The following GLRA3 variants were observed in gnomAD, a reference collection of about 807,000 sequenced individuals.
The protein encoded by GLRA3 is glycine receptor alpha 3.
GLRA3 carries 44 observed loss-of-function variants against 60.4 expected under a neutral mutation model. That is an observed-to-expected ratio of 0.73 (90% confidence interval 0.57 to 0.94). GLRA3 has a LOEUF of 0.94. GLRA3 is among the 40% of genes least tolerant of loss of function. The pLI, the probability that GLRA3 is intolerant of heterozygous loss-of-function variation, is 0.00. For missense variants in GLRA3, 508 were observed against 564.6 expected (o/e 0.90, Z 1.02); for synonymous variants, 223 against 192.9 (o/e 1.16, Z -1.29).
Position 174,762,750 on chromosome 4 carries a change from C to T in GLRA3, c.267+4213G>A, listed in dbSNP as rs115285436. ...AATCTTTTGAATTAAGATATAACAGCCATTCATAACATACACAAGTCTGCA... is the reference window on the plus strand; with the variant it reads ...AATCTTTTGAATTAAGATATAACAGTCATTCATAACATACACAAGTCTGCA... On this transcript the variant is annotated intron_variant, in intron 3 of 9. Coordinates refer to ENST00000274093, the MANE Select transcript of GLRA3 (RefSeq NM_006529.4). Among the ~76,000 whole-genome samples the T allele has an allele frequency of 9.9e-3, 1,499 of 152,068 alleles. 19 individuals carry two copies. Among genetic ancestry groups the T allele is most frequent in the African/African-American group, 0.033 (1,384 of 41,482 alleles).
At chr4:174,661,385 C>T (rs1733432232) in intron 7 of GLRA3, among the ~76,000 whole-genome samples, 1 of 152,196 alleles carries the variant, frequency 6.6e-6, no homozygotes, top group African/African-American at 2.4e-5. Flanking sequence ...TCAACATGTA[C>T]TTGATCATTC....
At position 174,686,118 on chromosome 4, in the gene GLRA3, C is replaced by T. The variant is rs77255932; in HGVS notation, c.575-3179G>A. On this transcript the variant is annotated intron_variant, in intron 5 of 9. Coordinates refer to ENST00000274093, the MANE Select transcript of GLRA3 (RefSeq NM_006529.4). ...CTACTTCACTATGGTTCAAAAAATA[C>T]TTAAGTTTGAAACCAGAAGGAAAAT... Among the ~76,000 whole-genome samples the T allele has an allele frequency of 4.6e-5, 7 of 152,246 alleles. No individual in the cohort carries two copies. In the East Asian group the frequency reaches 1.4e-3, roughly 29 times the overall value.
In GLRA3 at chr4:174,704,361, C is replaced by T. The variant is rs944603816; in HGVS notation, c.574+11127G>A. 4.2e-5 allele frequency among the ~76,000 whole-genome samples: 6 copies of T among 142,894 alleles called. 1 individual carries two copies. The highest frequency in any genetic ancestry group is 1.5e-4 in the African/African-American group (6 of 39,600). 93.7% of individuals were successfully genotyped at this position (142,894 alleles called of 152,430 possible). A position where few individuals can be genotyped will look rare whatever the true frequency, so the allele number is the denominator to read the frequency against. ...ATGGCAGGATCACAGAAATAAAATG[C>T]TTTAAATTACAGGTGATCTAGGGTG... is the stretch of plus-strand genomic sequence containing the variant. On this transcript the variant is annotated intron_variant, in intron 5 of 9. Coordinates refer to ENST00000274093, the MANE Select transcript of GLRA3 (RefSeq NM_006529.4).
At position 174,639,249 on chromosome 4, in the gene GLRA3, A is replaced by G. The variant is rs191241582; in HGVS notation, c.*4537T>C. 66 of 152,238 alleles carry G rather than the reference A, an allele frequency of 4.3e-4. No homozygotes were observed. Among genetic ancestry groups the G allele is most frequent in the African/African-American group, 1.6e-3 (66 of 41,544 alleles). 9.4% of individuals were successfully genotyped at this position (152,238 alleles called of 1,614,324 possible). On this transcript the variant is annotated 3_prime_UTR_variant, in exon 10 of 10. Coordinates refer to ENST00000274093, the MANE Select transcript of GLRA3 (RefSeq NM_006529.4). ...CAAATCGAATGACTGCATGGTTCAT[A>G]TTTTCCACCAGGAATCACTTAATAT...
chr4:174,795,555 C>G (rs1002822622), intron 1 of GLRA3, among the ~76,000 whole-genome samples: 21 of 152,096 alleles, frequency 1.4e-4, no homozygotes, highest in African/African-American at 5.1e-4. Flanking sequence ...GTACAATACA[C>G]AAACTTTTAT....
In GLRA3 at chr4:174,786,282, G is replaced by A. The variant is rs994989264; in HGVS notation, c.199+2534C>T. On this transcript the variant is annotated intron_variant, in intron 2 of 9. Transcript: ENST00000274093. ...GAAAGGCACAAAATCAACAAGGCAA[G>A]GGATTGTATTTTTAGTCATGTGAAC... is the stretch of plus-strand genomic sequence containing the variant. 6.6e-5 allele frequency among the ~76,000 whole-genome samples: 10 copies of A among 152,042 alleles called. No individual in the cohort carries two copies. The East Asian group carries it at 1.9e-3, about 29-fold the overall frequency.
At chr4:174,764,099 G>T (rs867392558) in intron 3 of GLRA3, among the ~76,000 whole-genome samples, 3 of 152,106 alleles carry the variant, frequency 2.0e-5, no homozygotes, top group African/African-American at 7.2e-5. Context: ...GCTAAAAAGA[G>T]ATTTGAGTTT....
chr4:174,645,438 A>AGAAAATGAT (rs1418992353), intron 9 of GLRA3, among the ~76,000 whole-genome samples: 2 of 151,212 alleles, frequency 1.3e-5, no homozygotes, highest in Non-Finnish European at 3.0e-5. Flanking sequence ...AAAAAAAAAA[A>AGAAAATGAT]GAAAATGATG....
At chr4:174,754,026 A>G (rs1737589651) in intron 3 of GLRA3, among the ~76,000 whole-genome samples, 1 of 152,152 alleles carries the variant, frequency 6.6e-6, no homozygotes, top group Admixed American at 6.6e-5. Flanking sequence ...CAGAACTGGA[A>G]ATGTGCCTTT....
At chr4:174,688,316 ATCATAT>A (rs1734627538) in intron 5 of GLRA3, among the ~76,000 whole-genome samples, 1 of 72,286 alleles carries the variant, frequency 1.4e-5, no homozygotes, top group Non-Finnish European at 2.5e-5. Context: ...CTTACCTGAC[ATCATAT>A]ATATATATAT....
chr4:174,797,519 T>C (rs1003862034), intron 1 of GLRA3, among the ~76,000 whole-genome samples: 1 of 152,218 alleles, frequency 6.6e-6, no homozygotes, highest in Admixed American at 6.5e-5. Flanking sequence ...TATATATTCT[T>C]ATTTATATAA....
rs187468876 is a variant in GLRA3 at position 174,648,585 on chromosome 4, G to A, written c.1117-4521C>T. On this transcript the variant is annotated intron_variant, in intron 9 of 9. Transcript: ENST00000274093. ...TGTTAAGTATAGCAGCAAATCTGGGGTGGCCATATGACAATGAGAAAGAAG... is the reference window on the plus strand; with the variant it reads ...TGTTAAGTATAGCAGCAAATCTGGGATGGCCATATGACAATGAGAAAGAAG... Among the ~76,000 whole-genome samples the A allele has an allele frequency of 5.9e-5, 9 of 152,256 alleles. No individual in the cohort carries two copies. The East Asian group carries it at 1.4e-3, about 23-fold the overall frequency.
intron 7 of GLRA3, among the ~76,000 whole-genome samples, chr4:174,661,355 A>G (rs1036331443): frequency 6.6e-6 from 1 of 152,186 alleles, no homozygotes. Flanking sequence ...TAAAAGTGGA[A>G]AACTTGACTC....
intron 7 of GLRA3, among the ~76,000 whole-genome samples, chr4:174,666,279 G>A (rs1195442600): frequency 6.6e-6 from 1 of 151,960 alleles, no homozygotes; most frequent in African/African-American, 2.4e-5. Context: ...TGCTAGCTTT[G>A]ATCCTAAAAT....
chr4:174,796,019 T>C (rs927806659), intron 1 of GLRA3, among the ~76,000 whole-genome samples: 2 of 152,206 alleles, frequency 1.3e-5, no homozygotes, highest in African/African-American at 4.8e-5. Context: ...CTCAATGTCA[T>C]ATGGTCTCAA....
At chr4:174,746,456 G>T (rs914711631) in intron 3 of GLRA3, among the ~76,000 whole-genome samples, 1 of 152,046 alleles carries the variant, frequency 6.6e-6, no homozygotes, top group Non-Finnish European at 1.5e-5. Flanking sequence ...ATCACTTCAC[G>T]GACATAGAGA....
intron 9 of GLRA3, 74 bp from the exon 10 acceptor site, chr4:174,644,138 A>C: frequency 1.2e-6 from 1 of 810,152 alleles, no homozygotes; most frequent in South Asian, 1.8e-5. Flanking sequence ...CAGAATCATA[A>C]CCAATTTTAT....
chr4:174,692,558 G>A (rs371466601), intron 5 of GLRA3, among the ~76,000 whole-genome samples: 3 of 149,714 alleles, frequency 2.0e-5, no homozygotes, highest in African/African-American at 7.3e-5. Context: ...TGTAGAAAGA[G>A]GTAGACATGG....
intron 3 of GLRA3, among the ~76,000 whole-genome samples, chr4:174,758,632 A>G (rs779675344): frequency 4.7e-4 from 71 of 152,178 alleles, no homozygotes; most frequent in Non-Finnish European, 9.3e-4. Context: ...ACAGACCTTA[A>G]TTAATAATAA....
Sources: allele counts gnomAD v4.1 joint callset (sites outside exome capture counted in the v4.1 genomes callset), GRCh38; gene constraint gnomAD v4.1.1; transcripts MANE v1.5; gene names NCBI Gene and HGNC (gene_info 2026-07-23, HGNC 2026-07-21).